DNAH17: variants seen among roughly 807,000 people sequenced by gnomAD.
DNAH17 encodes dynein axonemal heavy chain 17.
Under a neutral mutation model 485.6 loss-of-function variants are expected in DNAH17, and 376 were observed. The observed-to-expected ratio is 0.77, with a 90% CI of 0.71 to 0.84. DNAH17 has a LOEUF of 0.84. Among genes scored for constraint, DNAH17 ranks in the 40% least tolerant of loss-of-function variants. The pLI, the probability that DNAH17 is intolerant of heterozygous loss-of-function variation, is 0.00. For synonymous variants in DNAH17, 3,031 were observed against 2,405.9 expected, an observed-to-expected ratio of 1.26 and a Z score of -7.60; for missense variants, 6,370 against 5,839.3, an observed-to-expected ratio of 1.09 and a Z score of -2.96.
chr17:78,559,850 C>T (rs553769815), intron 13 of DNAH17, among the ~76,000 whole-genome samples: 9 of 152,210 alleles, frequency 5.9e-5, no homozygotes, highest in African/African-American at 2.2e-4. Flanking sequence ...TGCTCCTGGA[C>T]TGCACCAGGC....
chr17:78,477,217 T>A (rs1280928529), intron 51 of DNAH17, among the ~76,000 whole-genome samples: 1 of 152,120 alleles, frequency 6.6e-6, no homozygotes, highest in African/African-American at 2.4e-5. Context: ...GCTGTGGAGT[T>A]GACATGCTAG....
chr17:78,457,505 A>G (rs978599763), intron 62 of DNAH17, among the ~76,000 whole-genome samples: 4 of 152,054 alleles, frequency 2.6e-5, no homozygotes, highest in African/African-American at 9.7e-5. Flanking sequence ...AATATTTTGG[A>G]TATTTGGGGT....
intron 14 of DNAH17, among the ~76,000 whole-genome samples, chr17:78,554,396 C>T (rs2091972960): frequency 8.3e-6 from 1 of 120,836 alleles, no homozygotes; most frequent in African/African-American, 3.2e-5. Context: ...AAGATCGCAC[C>T]ACTGCACTCC....
intron 48 of DNAH17, among the ~76,000 whole-genome samples, chr17:78,481,416 T>C (rs1420475100): frequency 5.3e-5 from 8 of 152,070 alleles, no homozygotes; most frequent in Non-Finnish European, 1.5e-5. Context: ...ATACTGATAA[T>C]ATGTGAAGCA....
Position 78,486,511 on chromosome 17 carries a change from G to A in DNAH17, c.6819-5C>T. On this transcript the variant is annotated splice_polypyrimidine_tract_variant and splice_region_variant and intron_variant, in intron 44 of 80. Coordinates refer to ENST00000389840, the MANE Select transcript of DNAH17 (RefSeq NM_173628.4). ...TCGATCCAGCTGCTCACCACCCTGG[G>A]GGTGACAGGAGGCGCCGATGACACA... 1.3e-6 allele frequency: 2 copies of A among 1,595,928 alleles called. No homozygotes were observed. Among genetic ancestry groups the A allele is most frequent in the Non-Finnish European group, 1.7e-6 (2 of 1,168,734 alleles).
intron 21 of DNAH17, among the ~76,000 whole-genome samples, chr17:78,529,985 A>C (rs1268285704): frequency 6.6e-6 from 1 of 152,146 alleles, no homozygotes; most frequent in African/African-American, 2.4e-5. Flanking sequence ...TCAGCCAGGC[A>C]ATGCTCTCTC....
intron 49 of DNAH17, among the ~76,000 whole-genome samples, chr17:78,479,845 CAAG>C (rs2089270948): frequency 1.3e-5 from 2 of 152,180 alleles, no homozygotes; most frequent in East Asian, 1.9e-4. Flanking sequence ...TTCATGCTCT[CAAG>C]AAGAATTTTG....
At chr17:78,438,120 C>G (rs1378481947) in intron 73 of DNAH17, among the ~76,000 whole-genome samples, 2 of 151,956 alleles carry the variant, frequency 1.3e-5, no homozygotes, top group African/African-American at 4.8e-5. Flanking sequence ...AAACCTCCAG[C>G]CTTACGGTGA....
chr17:78,525,156 T>C lies in DNAH17; in HGVS notation c.3717A>G (p.Gln1239=), dbSNP rs747300718. ...TGCCTTCCATGGCGGAGATGCTCTT[T>C]TGTTGCTAGGGGCGGCGAGGGGGCC... ...PNPYKSLNKQ[Q]KSISAMEGIM... is the part of the protein sequence containing the mutation. Residue 1239 remains glutamine, a synonymous_variant, in exon 25 of 81, where the codon CAA becomes CAG. Transcript: ENST00000389840. 10 of 1,612,712 alleles carry C rather than the reference T, an allele frequency of 6.2e-6. No individual in the cohort carries two copies. Among genetic ancestry groups the C allele is most frequent in the Non-Finnish European group, 8.5e-6 (10 of 1,179,338 alleles).
At chr17:78,539,143 C>T (rs755156318) in intron 18 of DNAH17, among the ~76,000 whole-genome samples, 3 of 151,954 alleles carry the variant, frequency 2.0e-5, no homozygotes, top group Non-Finnish European at 4.4e-5. Context: ...AGGTAGAGAA[C>T]TGCTTGAACC....
Position 78,459,901 on chromosome 17 carries a change from G to A in DNAH17, c.9536C>T (p.Pro3179Leu), listed in dbSNP as rs2146527798. 3 of 1,613,984 alleles carry A rather than the reference G, an allele frequency of 1.9e-6. No individual in the cohort carries two copies. Among genetic ancestry groups the A allele is most frequent in the Non-Finnish European group, 2.5e-6 (3 of 1,179,884 alleles). The change falls in exon 60 of 81, where the codon CCC becomes CTC. Residue 3179 changes from proline (P) to leucine (L), a missense_variant. Coordinates refer to ENST00000389840, the MANE Select transcript of DNAH17 (RefSeq NM_173628.4). ...GGCCGCCTTCCAGCTCTTGTCCTTG[G>A]GGATCTTGCCCCCAGGTGCGGTCAG... ...MILTAPGGKI[P>L]KDKSWKAAKI... is the part of the protein sequence containing the mutation.
At position 78,543,861 on chromosome 17, in the gene DNAH17, A is replaced by T. The variant is rs1383803153; in HGVS notation, c.2528T>A (p.Val843Asp). 1.2e-6 allele frequency: 2 copies of T among 1,614,056 alleles called. No individual in the cohort carries two copies. The highest frequency in any genetic ancestry group is 1.7e-5 in the Admixed American group (1 of 60,022). ...RDAGVKIQAM[V>D]AENAELFRAD... ...ACCTCCTGGGTGTTTCCTTACTGCA[A>T]CCATGGCTTGGATCTTCACTCCAGC... is the stretch of plus-strand genomic sequence containing the variant. Residue 843 changes from valine to aspartate, a missense_variant, in exon 17 of 81, where the codon GTT becomes GAT. By Grantham distance (152) the Val-to-Asp change is radical. Coordinates refer to ENST00000389840, the MANE Select transcript of DNAH17 (RefSeq NM_173628.4).
In DNAH17 at chr17:78,505,936, C is replaced by T. The variant is rs542192364; in HGVS notation, c.4804-491G>A. Among the ~76,000 whole-genome samples, 14 of 152,182 alleles carry T rather than the reference C, an allele frequency of 9.2e-5. No homozygotes were observed. The South Asian group carries it at 2.9e-3, about 32-fold the overall frequency. Reference sequence around the variant, plus strand: ...GAGGTTGTGGTGAGCCGAGATCGCGCCATTGCACTCCAGCCTGGGCAACAA... The same window carrying T: ...GAGGTTGTGGTGAGCCGAGATCGCGTCATTGCACTCCAGCCTGGGCAACAA... On this transcript the variant is annotated intron_variant, in intron 30 of 80. Coordinates refer to ENST00000389840, the MANE Select transcript of DNAH17 (RefSeq NM_173628.4).
At position 78,558,360 on chromosome 17, in the gene DNAH17, G is replaced by A. The variant is rs181085513; in HGVS notation, c.2032-106C>T. 8.9e-5 allele frequency: 124 copies of A among 1,391,250 alleles called. 1 individual carries two copies. The highest frequency in any genetic ancestry group is 2.0e-4 in the Admixed American group (8 of 39,800). The allele number at this position is 1,391,250 out of a possible 1,614,324, so 86.2% of individuals were successfully genotyped here. On this transcript the variant is annotated intron_variant, in intron 13 of 80. Transcript: ENST00000389840. ...TGCCCTGGGATGTTTTGACAGCCGG[G>A]GGGGATCTCAAAGTTGGTGGGAGGC...
intron 13 of DNAH17, among the ~76,000 whole-genome samples, chr17:78,559,485 T>G (rs1223959794): frequency 6.6e-6 from 1 of 152,176 alleles, no homozygotes; most frequent in Non-Finnish European, 1.5e-5. Flanking sequence ...TGGCACTATA[T>G]TCAAGTCCAG....
intron 27 of DNAH17, 138 bp downstream of exon 27, chr17:78,510,246 G>A (rs939413622): frequency 4.2e-6 from 5 of 1,204,700 alleles, no homozygotes; most frequent in Non-Finnish European, 5.8e-6. Context: ...ATTTGTCACA[G>A]GTTGGGTAAG....
chr17:78,484,095 CAAAAAAAAAAA>C (rs11290299), intron 48 of DNAH17, among the ~76,000 whole-genome samples: 5 of 38,352 alleles, frequency 1.3e-4, no homozygotes, highest in Admixed American at 4.8e-4. Context: ...GATTTCTCCT[CAAAAAAAAAAA>C]AAAAAAAAAA....
chr17:78,528,919 G>GGAGGAGACATGGGACAT (rs2091150717), intron 22 of DNAH17, among the ~76,000 whole-genome samples: 1 of 151,496 alleles, frequency 6.6e-6, no homozygotes, highest in Non-Finnish European at 1.5e-5. Flanking sequence ...CAGACACTCA[G>GGAGGAGACATGGGACAT]GAGGAGACAT....
At chr17:78,462,207 G>C (rs2088164437) in intron 57 of DNAH17, among the ~76,000 whole-genome samples, 1 of 148,418 alleles carries the variant, frequency 6.7e-6, no homozygotes, top group African/African-American at 2.5e-5. Context: ...AGCAGGGCTG[G>C]CCAGGGCCCC....
Sources: allele counts gnomAD v4.1 joint callset (sites outside exome capture counted in the v4.1 genomes callset), GRCh38; gene constraint gnomAD v4.1.1; transcripts MANE v1.5; gene names NCBI Gene and HGNC (gene_info 2026-07-23, HGNC 2026-07-21).